The following RGS19 variants were observed in gnomAD, a reference collection of about 807,000 sequenced individuals.
RGS19 encodes G alpha interacting protein.
Under a neutral mutation model 22.0 loss-of-function variants are expected in RGS19, and 9 were observed. The ratio of observed to expected loss-of-function variants is 0.41; its 90% confidence interval spans 0.25 to 0.71. The LOEUF is 0.71. RGS19 is among the 30% of genes least tolerant of loss of function. The probability of loss-of-function intolerance (pLI) is 0.32; values close to 1 mark genes in which losing one functional copy is unlikely to be tolerated. For missense variants in RGS19, 256 were observed against 307.1 expected (o/e 0.83, Z 1.24); for synonymous variants, 130 against 127.3 (o/e 1.02, Z -0.14).
At chr20:64,074,565 C>G (rs1160150644) in intron 3 of RGS19, 24 bp from the exon 4 acceptor site, 1 of 1,541,648 alleles carries the variant, frequency 6.5e-7, no homozygotes, top group East Asian at 2.4e-5. Flanking sequence ...GGAAGCAGCG[C>G]TGCCGTGGGC....
chr20:64,073,630 C>A lies in RGS19; in HGVS notation c.*223G>T. 2 of 492,462 alleles carry A rather than the reference C, an allele frequency of 4.1e-6. No homozygotes were observed. Among genetic ancestry groups the A allele is most frequent in the Non-Finnish European group, 7.3e-6 (2 of 272,832 alleles). The allele number at this position is 492,462 out of a possible 1,614,324, so 30.5% of individuals were successfully genotyped here. A position where few individuals can be genotyped will look rare whatever the true frequency, so the allele number is the denominator to read the frequency against. On this transcript the variant is annotated 3_prime_UTR_variant, in exon 6 of 6. Coordinates refer to ENST00000395042, the MANE Select transcript of RGS19 (RefSeq NM_005873.3). Reference sequence around the variant, plus strand: ...GCGGGCCGATGAGGGGGCTTCTGGCCCGCCCTGCACCTGGAGGCCCGCCCT... The same window carrying A: ...GCGGGCCGATGAGGGGGCTTCTGGCACGCCCTGCACCTGGAGGCCCGCCCT...
At chr20:64,078,114 C>T (rs764537137) in intron 1 of RGS19, among the ~76,000 whole-genome samples, 9 of 52,498 alleles carry the variant, frequency 1.7e-4, no homozygotes, top group Non-Finnish European at 2.6e-4. Context: ...CTCTTGGCCT[C>T]CTGGGACGGT....
intron 1 of RGS19, among the ~76,000 whole-genome samples, chr20:64,078,637 T>C (rs916463827): frequency 3.3e-5 from 5 of 152,182 alleles, no homozygotes; most frequent in African/African-American, 1.2e-4. Flanking sequence ...AGCCCCTTCT[T>C]TCCCAGTTGC....
chr20:64,079,244 T>C lies in RGS19; in HGVS notation c.-69+50A>G, dbSNP rs1473432030. 1.3e-5 allele frequency: 2 copies of C among 152,310 alleles called. No homozygotes were observed. Among genetic ancestry groups the C allele is most frequent in the Non-Finnish European group, 1.5e-5 (1 of 68,170 alleles). 9.4% of individuals were successfully genotyped at this position (152,310 alleles called of 1,614,324 possible). A position where few individuals can be genotyped will look rare whatever the true frequency, so the allele number is the denominator to read the frequency against. On this transcript the variant is annotated intron_variant, in intron 1 of 5. Transcript: ENST00000395042. The surrounding 1 kb of genome is among the most constrained non-coding windows in gnomAD (Gnocchi z 5.1). ...GCCTGTGTTCTCCTCCAGGTGCCTCTTTCTTCAGCCTCTGACGCCCCCACC... is the reference window on the plus strand; with the variant it reads ...GCCTGTGTTCTCCTCCAGGTGCCTCCTTCTTCAGCCTCTGACGCCCCCACC...
rs927118008 is a variant in RGS19 at position 64,075,943 on chromosome 20, G to A, written c.152+582C>T. Among the ~76,000 whole-genome samples the A allele has an allele frequency of 6.6e-6, 1 of 151,352 alleles. No individual in the cohort carries two copies. The highest frequency in any genetic ancestry group is 1.5e-5 in the Non-Finnish European group (1 of 67,924). ...GTTGCCCAGGCTGGAGTGCAATGAC[G>A]CGATCTCGGCTCAACGCAACCTCCG... On this transcript the variant is annotated intron_variant, in intron 3 of 5. Coordinates refer to ENST00000395042, the MANE Select transcript of RGS19 (RefSeq NM_005873.3). This position sits in a 1 kb window ranked among gnomAD's most constrained non-coding sequence, Gnocchi z 4.6.
At position 64,074,197 on chromosome 20, in the gene RGS19, C is replaced by T. The variant is rs775209820; in HGVS notation, c.409G>A (p.Glu137Lys). The change falls in exon 5 of 6, where the codon GAG (glutamate) becomes AAG (lysine). Residue 137 changes from glutamate to lysine, a missense_variant. Glu to Lys is a moderately conservative substitution (Grantham distance 56, BLOSUM62 1). Coordinates refer to ENST00000395042, the MANE Select transcript of RGS19 (RefSeq NM_005873.3). ...KAEANQHVVD[E>K]KARLIYEDYV... ...TCCTCGTAGATGAGCCTCGCCTTCT[C>T]GTCTACCACATGCTGGTTGGCCTCG... The T allele has an allele frequency of 9.3e-6, 15 of 1,614,102 alleles. No individual in the cohort carries two copies. Among genetic ancestry groups the T allele is most frequent in the South Asian group, 2.2e-5 (2 of 91,088 alleles).
In RGS19 at chr20:64,074,531, G is replaced by T; in HGVS notation, c.163C>A (p.Arg55=). The change falls in exon 4 of 6, where the codon CGG becomes AGG. Residue 55 remains arginine (R), a synonymous_variant. Coordinates refer to ENST00000395042, the MANE Select transcript of RGS19 (RefSeq NM_005873.3). The part of the protein sequence containing the change: ...CCCSCSWNQE[R]RRAWQASRES... ...CGGGAGGCCTGCCACGCGCGCCGCC[G>T]CTCTTGGTTCCTAGTGGCAGAGAGG... is the stretch of plus-strand genomic sequence containing the variant. The T allele has an allele frequency of 1.9e-6, 3 of 1,560,538 alleles. No homozygotes were observed. In the South Asian group the frequency reaches 3.5e-5, roughly 18 times the overall value.
chr20:64,074,367 C>A lies in RGS19; in HGVS notation c.239G>T (p.Ser80Ile). ...CGCCCAGCTCTGCACCTCCTCAGGA[C>A]TTGGCGTGGCACTGTGGGCACGGGG... ...LPSCEVCATPSPEEVQSWAQS... is the reference protein window; with the variant it reads ...LPSCEVCATPIPEEVQSWAQS... Residue 80 changes from serine to isoleucine, a missense_variant, in exon 5 of 6, where the codon AGT becomes ATT. By Grantham distance (142) the Ser-to-Ile change is moderately radical (BLOSUM62 -2). Coordinates refer to ENST00000395042, the MANE Select transcript of RGS19 (RefSeq NM_005873.3). The A allele has an allele frequency of 2.5e-6, 4 of 1,608,922 alleles. No homozygotes were observed. The highest frequency in any genetic ancestry group is 3.4e-6 in the Non-Finnish European group (4 of 1,177,766).
chr20:64,078,882 T>C (rs1160202695), intron 1 of RGS19, among the ~76,000 whole-genome samples: 1 of 152,162 alleles, frequency 6.6e-6, no homozygotes, highest in Non-Finnish European at 1.5e-5. Flanking sequence ...ACGTCTGCTC[T>C]CTGGGGATAG....
Position 64,075,314 on chromosome 20 carries a change from C to G in RGS19, c.153-773G>C, listed in dbSNP as rs6011281. ...GAGCCCCAAACCCGTGTCCACACTCCTTCAGGTTCTGGAGCCTGATCCCCG... is the reference window on the plus strand; with the variant it reads ...GAGCCCCAAACCCGTGTCCACACTCGTTCAGGTTCTGGAGCCTGATCCCCG... On this transcript the variant is annotated intron_variant, in intron 3 of 5. Transcript: ENST00000395042. The surrounding 1 kb of genome is among the most constrained non-coding windows in gnomAD (Gnocchi z 4.6). Among the ~76,000 whole-genome samples, 1 of 152,252 alleles carries G rather than the reference C, an allele frequency of 6.6e-6. No homozygotes were observed. Among genetic ancestry groups the G allele is most frequent in the Admixed American group, 6.5e-5 (1 of 15,286 alleles).
In RGS19 at chr20:64,074,021, C is replaced by A. The variant is rs572834145; in HGVS notation, c.486G>T (p.Arg162=). Residue 162 remains arginine, a synonymous_variant, in exon 6 of 6, where the codon CGG becomes CGT. Coordinates refer to ENST00000395042, the MANE Select transcript of RGS19 (RefSeq NM_005873.3). ...CCTGCATCTTCTTGTTGATGCCCTC[C>A]CGCACACGGGAGTCCAGGCTCACCT... ...PKEVSLDSRV[R]EGINKKMQEP... 5 of 1,613,170 alleles carry A rather than the reference C, an allele frequency of 3.1e-6. No homozygotes were observed. In the East Asian group the frequency reaches 1.1e-4, roughly 36 times the overall value.
chr20:64,076,720 A>G, intron 2 of RGS19, 74 bp from the exon 3 acceptor site: 1 of 1,521,420 alleles, frequency 6.6e-7, no homozygotes, highest in Non-Finnish European at 9.0e-7. Context: ...CCACCTTCCC[A>G]TGGGTAGCCC....
intron 3 of RGS19, among the ~76,000 whole-genome samples, chr20:64,076,254 A>G (rs1280680828): frequency 4.6e-5 from 7 of 152,364 alleles, no homozygotes; most frequent in Admixed American, 2.0e-4. Context: ...GATAAAGCAC[A>G]TGCCGCGTGA....
At chr20:64,077,964 G>A (rs2059917723) in intron 1 of RGS19, among the ~76,000 whole-genome samples, 1 of 152,126 alleles carries the variant, frequency 6.6e-6, no homozygotes, top group Non-Finnish European at 1.5e-5. Flanking sequence ...GTGCACATCC[G>A]CCACCCTCCT....
Position 64,075,517 on chromosome 20 carries a change from C to A in RGS19, c.153-976G>T, listed in dbSNP as rs1272046288. On this transcript the variant is annotated intron_variant, in intron 3 of 5. Transcript: ENST00000395042. The surrounding 1 kb of genome is among the most constrained non-coding windows in gnomAD (Gnocchi z 4.6). ...CTCCTCCCACCCCCTTTCCCGACTG[C>A]CCCCTGGCCACCCCCAGCTTGCCCG... Among the ~76,000 whole-genome samples the A allele has an allele frequency of 1.3e-5, 2 of 152,070 alleles. No individual in the cohort carries two copies. Among genetic ancestry groups the A allele is most frequent in the Non-Finnish European group, 2.9e-5 (2 of 68,000 alleles).
At position 64,076,875 on chromosome 20, in the gene RGS19, C is replaced by T. The variant is rs540663917; in HGVS notation, c.12G>A (p.Pro4=). The T allele has an allele frequency of 1.5e-4, 228 of 1,537,876 alleles. 1 individual carries two copies. The highest frequency in any genetic ancestry group is 1.9e-4 in the Non-Finnish European group (216 of 1,144,500). ...GGCATACCTGCTTCTCAGCCTCATG[C>T]GGGGTGGGCATGGGTGGGCGGAGGA... is the stretch of plus-strand genomic sequence containing the variant. MPT[P]HEAEKQITGP... Residue 4 remains proline, a synonymous_variant, in exon 2 of 6, where the codon CCG becomes CCA. Coordinates refer to ENST00000395042, the MANE Select transcript of RGS19 (RefSeq NM_005873.3).
In RGS19 at chr20:64,075,832, C is replaced by A. The variant is rs1393180474; in HGVS notation, c.152+693G>T. Among the ~76,000 whole-genome samples the A allele has an allele frequency of 6.6e-6, 1 of 152,066 alleles. No individual in the cohort carries two copies. Among genetic ancestry groups the A allele is most frequent in the African/African-American group, 2.4e-5 (1 of 41,422 alleles). Reference sequence around the variant, plus strand: ...CTTATTGGGGTCTCTGTTCAAACGTCCCTCCACCCCACACACTGTATGGGG... The same window carrying A: ...CTTATTGGGGTCTCTGTTCAAACGTACCTCCACCCCACACACTGTATGGGG... On this transcript the variant is annotated intron_variant, in intron 3 of 5. Coordinates refer to ENST00000395042, the MANE Select transcript of RGS19 (RefSeq NM_005873.3). This position sits in a 1 kb window ranked among gnomAD's most constrained non-coding sequence, Gnocchi z 4.6.
intron 2 of RGS19, 52 bp from the exon 3 acceptor site, chr20:64,076,698 T>C: frequency 6.5e-7 from 1 of 1,541,346 alleles, no homozygotes; most frequent in Non-Finnish European, 8.8e-7. Context: ...CACCAGACTC[T>C]CCACCTCTCC....
intron 1 of RGS19, among the ~76,000 whole-genome samples, chr20:64,078,049 G>A (rs902367042): frequency 6.6e-6 from 1 of 152,156 alleles, no homozygotes; most frequent in Non-Finnish European, 1.5e-5. Context: ...TCATCCCCCC[G>A]CCACGCCTCC....
Sources: allele counts gnomAD v4.1 joint callset (sites outside exome capture counted in the v4.1 genomes callset), GRCh38; gene constraint gnomAD v4.1.1; non-coding constraint Gnocchi (gnomAD v3.1); transcripts MANE v1.5; gene names NCBI Gene and HGNC (gene_info 2026-07-23, HGNC 2026-07-21).